The following NSD1 variants were observed in gnomAD, a reference collection of about 807,000 sequenced individuals.
NSD1 encodes the protein histone-lysine N-methyltransferase, H3 lysine-36 specific.
In NSD1, 26 loss-of-function variants were observed where a neutral mutation model predicts 242.7. That is an observed-to-expected ratio of 0.11 (90% CI 0.08 to 0.15). The LOEUF (loss-of-function observed/expected upper bound fraction) is 0.15. Among genes scored for constraint, NSD1 ranks in the 10% least tolerant of loss-of-function variants. NSD1 has a pLI of 1.00. For missense variants in NSD1, 2,495 were observed against 3,272.8 expected (o/e 0.76, Z 5.80); for synonymous variants, 1,106 against 1,178.1 (o/e 0.94, Z 1.25).
chr5:177,183,672 A>G (rs1010073683), intron 2 of NSD1, among the ~76,000 whole-genome samples: 2 of 152,190 alleles, frequency 1.3e-5, no homozygotes, highest in African/African-American at 2.4e-5. Flanking sequence ...TTAAATTATT[A>G]TCAACCTGTT....
intron 2 of NSD1, among the ~76,000 whole-genome samples, chr5:177,151,549 C>T (rs562758855): frequency 1.6e-4 from 25 of 151,840 alleles, no homozygotes; most frequent in African/African-American, 5.1e-4. Flanking sequence ...CCACCACGCC[C>T]GGCTAATTTT....
At chr5:177,268,457 T>G (rs927000523) in intron 15 of NSD1, among the ~76,000 whole-genome samples, 2 of 151,988 alleles carry the variant, frequency 1.3e-5, no homozygotes, top group Non-Finnish European at 2.9e-5. Flanking sequence ...ACATGTACCC[T>G]AAAACTTAAA....
Position 177,299,329 on chromosome 5 carries a change from G to T in NSD1, c.*3870G>T, listed in dbSNP as rs1562318366. 4.3e-6 allele frequency: 1 copy of T among 233,174 alleles called. No individual in the cohort carries two copies. The highest frequency in any genetic ancestry group is 8.5e-6 in the Non-Finnish European group (1 of 118,070). The allele number at this position is 233,174 out of a possible 1,614,324, so 14.4% of individuals were successfully genotyped here. ...AGGCTTTGTTAAAAGTGGGGAGAAG[G>T]AAGATCCTCAGTGAAGCCTGCACCC... is the stretch of plus-strand genomic sequence containing the variant. On this transcript the variant is annotated 3_prime_UTR_variant, in exon 23 of 23. Transcript: ENST00000439151.
chr5:177,185,697 T>G, intron 2 of NSD1, among the ~76,000 whole-genome samples: 1 of 118,056 alleles, frequency 8.5e-6, no homozygotes, highest in Admixed American at 1.2e-4. Flanking sequence ...TTGTTTTTTA[T>G]TATAATATAT....
chr5:177,195,463 C>A (rs984420801), intron 3 of NSD1, among the ~76,000 whole-genome samples: 4 of 152,076 alleles, frequency 2.6e-5, no homozygotes, highest in African/African-American at 9.7e-5. Context: ...GTCTCTCTCT[C>A]TCTCTCTCCT....
At chr5:177,268,639 A>G (rs1178440225) in intron 15 of NSD1, among the ~76,000 whole-genome samples, 1 of 152,082 alleles carries the variant, frequency 6.6e-6, no homozygotes, top group Non-Finnish European at 1.5e-5. Flanking sequence ...CCCTGATTCC[A>G]TTCTCTCCTA....
chr5:177,137,538 A>C (rs1255379782), intron 2 of NSD1: 1 of 152,144 alleles, frequency 6.6e-6, no homozygotes, highest in Non-Finnish European at 1.5e-5. Context: ...AATTTGCTTT[A>C]GTGGTTATCT....
chr5:177,245,632 C>CTTTTTTTTT (rs540362237), intron 9 of NSD1, among the ~76,000 whole-genome samples: 1 of 134,656 alleles, frequency 7.4e-6, no homozygotes. Flanking sequence ...GAATTTCTTT[C>CTTTTTTTTT]TTTTTTTTTT....
intron 2 of NSD1, 92 bp downstream of exon 2, chr5:177,136,122 G>A: frequency 8.7e-7 from 1 of 1,143,982 alleles, no homozygotes; most frequent in Non-Finnish European, 1.3e-6. Context: ...GTTTTTGGTT[G>A]CTTATCAGTT....
At chr5:177,224,381 TA>T (rs939297547) in intron 5 of NSD1, among the ~76,000 whole-genome samples, 1 of 152,154 alleles carries the variant, frequency 6.6e-6, no homozygotes, top group Non-Finnish European at 1.5e-5. Context: ...ATTCTGCACT[TA>T]AAAAAATTTA....
Position 177,210,114 on chromosome 5 carries a change from C to CCT in NSD1, c.1716_1717dup (p.Cys573SerfsTer27). ...GCCCCAGGAAGTTTTCTGTTTTCTT[C>CCT]CTGTGGAAAAAACACTGCAAAGAAA... is the stretch of plus-strand genomic sequence containing the variant. On this transcript the variant is annotated frameshift_variant, in exon 5 of 23. Transcript: ENST00000439151. LOFTEE classifies it high-confidence loss of function. 6.2e-7 allele frequency: 1 copy of CCT among 1,613,394 alleles called. No individual in the cohort carries two copies. The highest frequency in any genetic ancestry group is 8.5e-7 in the Non-Finnish European group (1 of 1,179,826).
intron 2 of NSD1, among the ~76,000 whole-genome samples, chr5:177,187,543 A>C (rs552832139): frequency 2.0e-4 from 30 of 152,218 alleles, no homozygotes; most frequent in Non-Finnish European, 3.8e-4. Context: ...ACCACAAACT[A>C]GCTGGCTTAA....
intron 14 of NSD1, among the ~76,000 whole-genome samples, chr5:177,266,940 C>T (rs1757532459): frequency 6.6e-6 from 1 of 152,234 alleles, no homozygotes. Context: ...TCTTGGCTCA[C>T]TGCAACTTCC....
At chr5:177,158,269 C>CTTTCTTTCTT (rs1758321920) in intron 2 of NSD1, among the ~76,000 whole-genome samples, 1 of 103,160 alleles carries the variant, frequency 9.7e-6, no homozygotes, top group Non-Finnish European at 1.8e-5. Context: ...TTCTTTCTTT[C>CTTTCTTTCTT]TTTCTTTCTT....
intron 2 of NSD1, among the ~76,000 whole-genome samples, chr5:177,151,268 C>T (rs1470029361): frequency 1.3e-5 from 2 of 152,096 alleles, no homozygotes; most frequent in Non-Finnish European, 2.9e-5. Context: ...CCCAGCTACT[C>T]GGGAGGCTGA....
chr5:177,216,202 G>A (rs1763759055), intron 5 of NSD1, among the ~76,000 whole-genome samples: 1 of 152,074 alleles, frequency 6.6e-6, no homozygotes, highest in African/African-American at 2.4e-5. Flanking sequence ...TAAAAAATGA[G>A]GTATAAGAGT....
chr5:177,140,329 G>GA (rs1263477184), intron 2 of NSD1, among the ~76,000 whole-genome samples: 3 of 152,154 alleles, frequency 2.0e-5, no homozygotes, highest in Non-Finnish European at 4.4e-5. Context: ...GATACTTGTT[G>GA]GAGATTGCTT....
At chr5:177,172,170 A>C (rs1759766160) in intron 2 of NSD1, among the ~76,000 whole-genome samples, 1 of 152,172 alleles carries the variant, frequency 6.6e-6, no homozygotes, top group South Asian at 2.1e-4. Context: ...ATTTCCTCTG[A>C]TGTCACTATA....
intron 2 of NSD1, among the ~76,000 whole-genome samples, chr5:177,189,483 A>C (rs1410324287): frequency 1.3e-5 from 2 of 152,222 alleles, no homozygotes; most frequent in African/African-American, 4.8e-5. Flanking sequence ...GATTGGTTAT[A>C]GTTAAATTTG....
Sources: allele counts gnomAD v4.1 joint callset (sites outside exome capture counted in the v4.1 genomes callset), GRCh38; gene constraint gnomAD v4.1.1; transcripts MANE v1.5; gene names NCBI Gene and HGNC (gene_info 2026-07-23, HGNC 2026-07-21).